Variants in RERE observed in about 807,000 individuals in gnomAD.
The protein encoded by RERE is arginine-glutamic acid dipeptide repeats.
In RERE, 40 loss-of-function variants were observed where a neutral mutation model predicts 146.1. The observed-to-expected ratio is 0.27, with a 90% CI of 0.21 to 0.36. The LOEUF (loss-of-function observed/expected upper bound fraction) is 0.36, where lower values mean the gene tolerates loss of function less well. Ranked by LOEUF, RERE falls within the 10% of genes least tolerant of loss-of-function variation. RERE has a pLI of 1.00. For synonymous variants in RERE, 1,003 were observed against 866.0 expected, an observed-to-expected ratio of 1.16 and a Z score of -2.78; for missense variants, 1,933 against 2,138.7, an observed-to-expected ratio of 0.90 and a Z score of 1.90.
At chr1:8,540,025 T>C (rs971908309) in intron 7 of RERE, among the ~76,000 whole-genome samples, 15 of 152,198 alleles carry the variant, frequency 9.9e-5, no homozygotes, top group African/African-American at 3.6e-4. Flanking sequence ...CCATTTTGCC[T>C]TTACACTTAA....
intron 1 of RERE, among the ~76,000 whole-genome samples, chr1:8,802,207 C>T (rs1399774204): frequency 6.6e-6 from 1 of 152,190 alleles, no homozygotes; most frequent in Non-Finnish European, 1.5e-5. Flanking sequence ...CTCTATGGTT[C>T]TGGCCAAACC....
chr1:8,467,937 C>A (rs1308751649), intron 10 of RERE, among the ~76,000 whole-genome samples: 2 of 152,230 alleles, frequency 1.3e-5, no homozygotes, highest in Non-Finnish European at 2.9e-5. Context: ...AGCCACCGCA[C>A]CCGGCCCAAA....
chr1:8,540,739 GT>G (rs1446098498), intron 7 of RERE, among the ~76,000 whole-genome samples: 1 of 152,138 alleles, frequency 6.6e-6, no homozygotes, highest in African/African-American at 2.4e-5. Flanking sequence ...ACTCATACTA[GT>G]AGTCTTACTA....
Position 8,361,859 on chromosome 1 carries a change from G to C in RERE, c.1920C>G (p.Ala640=). ...KKSAKKVKEE[A]SSPLKSNKRQ... ...GTTTGTTACTCTTAAGAGGGGAAGAGGCTTCCTCCTTCACCTTCTGCAGGG... is the reference window on the plus strand; with the variant it reads ...GTTTGTTACTCTTAAGAGGGGAAGACGCTTCCTCCTTCACCTTCTGCAGGG... Residue 640 remains alanine (A), a synonymous_variant, in exon 17 of 23, where the codon GCC becomes GCG. Coordinates refer to ENST00000400908, the MANE Select transcript of RERE (RefSeq NM_001042681.2). 1 of 1,613,374 alleles carries C rather than the reference G, an allele frequency of 6.2e-7. No individual in the cohort carries two copies. The highest frequency in any genetic ancestry group is 8.5e-7 in the Non-Finnish European group (1 of 1,179,306).
intron 7 of RERE, among the ~76,000 whole-genome samples, chr1:8,532,263 A>C (rs1645663880): frequency 6.6e-6 from 1 of 152,282 alleles, no homozygotes; most frequent in South Asian, 2.1e-4. Flanking sequence ...TGAACCTATA[A>C]ATTTTATTTT....
intron 1 of RERE, among the ~76,000 whole-genome samples, chr1:8,723,022 C>T (rs1639893529): frequency 6.6e-6 from 1 of 152,184 alleles, no homozygotes; most frequent in Non-Finnish European, 1.5e-5. Context: ...CTATCAAAAA[C>T]TACTGACAGC....
intron 1 of RERE, among the ~76,000 whole-genome samples, chr1:8,811,130 A>G (rs1343041399): frequency 6.6e-6 from 1 of 152,188 alleles, no homozygotes; most frequent in Non-Finnish European, 1.5e-5. Context: ...ATACTTCCCC[A>G]GCATAGCCAG....
At chr1:8,469,008 G>A (rs1376057969) in intron 10 of RERE, among the ~76,000 whole-genome samples, 1 of 152,078 alleles carries the variant, frequency 6.6e-6, no homozygotes, top group Non-Finnish European at 1.5e-5. Flanking sequence ...TATTTACTAG[G>A]TATGCGACCT....
rs1206849343 is a variant in RERE, at chr1:8,497,642, G to A, written c.880-113C>T. 7 of 1,101,650 alleles carry A rather than the reference G, an allele frequency of 6.4e-6. No homozygotes were observed. In the East Asian group the frequency reaches 7.4e-5, roughly 12 times the overall value. 68.2% of individuals were successfully genotyped at this position (1,101,650 alleles called of 1,614,324 possible). A position where few individuals can be genotyped will look rare whatever the true frequency, so the allele number is the denominator to read the frequency against. On this transcript the variant is annotated intron_variant, in intron 8 of 22. Coordinates refer to ENST00000400908, the MANE Select transcript of RERE (RefSeq NM_001042681.2). ...AATGTTTTACTGAGACTCTTTCCTT[G>A]GACAGCAGAAAAATAACAACAAAAC...
At chr1:8,716,299 CAAAAAAAA>C (rs34590852) in intron 1 of RERE, among the ~76,000 whole-genome samples, 37 of 109,590 alleles carry the variant, frequency 3.4e-4, no homozygotes, top group African/African-American at 1.1e-3. Context: ...CTCATCTCTA[CAAAAAAAA>C]AAAAAAAAAA....
At chr1:8,454,265 C>CTG (rs545168049) in intron 11 of RERE, among the ~76,000 whole-genome samples, 8 of 151,954 alleles carry the variant, frequency 5.3e-5, no homozygotes, top group South Asian at 2.1e-4. Flanking sequence ...CAAAAGGACA[C>CTG]TGTGTGTGTG....
chr1:8,413,994 G>A (rs1175063631), intron 12 of RERE, among the ~76,000 whole-genome samples: 1 of 150,672 alleles, frequency 6.6e-6, no homozygotes, highest in Non-Finnish European at 1.5e-5. Flanking sequence ...GACGGAGGCT[G>A]TGGTGAGCTG....
intron 12 of RERE, among the ~76,000 whole-genome samples, chr1:8,420,922 T>G (rs1290065914): frequency 1.3e-5 from 2 of 152,052 alleles, no homozygotes; most frequent in Admixed American, 6.6e-5. Context: ...ACATCATCAA[T>G]AAGAAGGGAA....
intron 10 of RERE, among the ~76,000 whole-genome samples, chr1:8,491,700 T>G (rs542477848): frequency 1.4e-4 from 21 of 152,324 alleles, no homozygotes; most frequent in African/African-American, 4.6e-4. Flanking sequence ...ACGATTTATT[T>G]AAATTTACTC....
At chr1:8,395,347 C>T (rs934407388) in intron 12 of RERE, among the ~76,000 whole-genome samples, 5 of 151,796 alleles carry the variant, frequency 3.3e-5, no homozygotes, top group Admixed American at 6.6e-5. Context: ...TGGTGGCACA[C>T]GCCTGTAGTC....
chr1:8,552,864 A>G (rs1316039299), intron 6 of RERE, among the ~76,000 whole-genome samples: 1 of 151,804 alleles, frequency 6.6e-6, no homozygotes, highest in Non-Finnish European at 1.5e-5. Context: ...GTGACCCTGC[A>G]CCACTGGGCC....
At chr1:8,699,183 A>G (rs1014942105) in intron 1 of RERE, among the ~76,000 whole-genome samples, 1 of 152,206 alleles carries the variant, frequency 6.6e-6, no homozygotes, top group Non-Finnish European at 1.5e-5. Context: ...CTGTTTTCCC[A>G]TGCTAAGCAT....
intron 1 of RERE, among the ~76,000 whole-genome samples, chr1:8,708,300 T>TTTTTTG (rs886146803): frequency 1.8e-4 from 27 of 152,200 alleles, no homozygotes; most frequent in African/African-American, 5.3e-4. Context: ...TGATGGTTGC[T>TTTTTTG]TTTTTGTTTT....
chr1:8,706,291 A>T (rs1008847216), intron 1 of RERE, among the ~76,000 whole-genome samples: 7 of 152,082 alleles, frequency 4.6e-5, no homozygotes, highest in Admixed American at 3.3e-4. Context: ...CTAAAAAAAA[A>T]TTTAGAAAAA....
Sources: allele counts gnomAD v4.1 joint callset (sites outside exome capture counted in the v4.1 genomes callset), GRCh38; gene constraint gnomAD v4.1.1; transcripts MANE v1.5; gene names NCBI Gene and HGNC (gene_info 2026-07-23, HGNC 2026-07-21).